SPATA16: variants seen among roughly 807,000 people sequenced by gnomAD.
SPATA16 encodes spermatogenesis-associated protein 16.
SPATA16 carries 36 observed loss-of-function variants against 63.3 expected under a neutral mutation model. The observed-to-expected ratio is 0.57, with a 90% CI of 0.44 to 0.75. The LOEUF (loss-of-function observed/expected upper bound fraction) is 0.75. Ranked by LOEUF, SPATA16 falls within the 30% of genes least tolerant of loss-of-function variation. SPATA16 has a pLI of 0.00. For missense variants in SPATA16, 646 were observed against 679.3 expected, an observed-to-expected ratio of 0.95 and a Z score of 0.54; for synonymous variants, 203 against 216.7, an observed-to-expected ratio of 0.94 and a Z score of 0.56.
At chr3:173,131,934 A>G (rs189316593) in intron 1 of SPATA16, among the ~76,000 whole-genome samples, 2 of 152,328 alleles carry the variant, frequency 1.3e-5, no homozygotes, top group African/African-American at 4.8e-5. Flanking sequence ...ATCATTAAGT[A>G]TGCAAAAATA....
intron 3 of SPATA16, among the ~76,000 whole-genome samples, chr3:173,041,220 C>T (rs1735831734): frequency 6.6e-6 from 1 of 152,134 alleles, no homozygotes; most frequent in Non-Finnish European, 1.5e-5. Flanking sequence ...TTTAAAATAG[C>T]AATGCCAGGA....
At chr3:173,024,409 T>G (rs564307879) in intron 3 of SPATA16, among the ~76,000 whole-genome samples, 3 of 151,450 alleles carry the variant, frequency 2.0e-5, no homozygotes, top group Non-Finnish European at 4.4e-5. Flanking sequence ...AGTATCATTC[T>G]ATGTGTTATT....
At chr3:172,996,654 T>G (rs1306950711) in intron 4 of SPATA16, among the ~76,000 whole-genome samples, 1 of 152,126 alleles carries the variant, frequency 6.6e-6, no homozygotes, top group Non-Finnish European at 1.5e-5. Context: ...ATTTACATCA[T>G]CACCTAAAGT....
chr3:172,925,415 CAA>C lies in SPATA16; in HGVS notation c.1157_1158del (p.Leu386ArgfsTer7). 1 of 1,613,866 alleles carries C rather than the reference CAA, an allele frequency of 6.2e-7. No individual in the cohort carries two copies. Among genetic ancestry groups the C allele is most frequent in the East Asian group, 2.2e-5 (1 of 44,854 alleles). ...SFPPQQYLLTLGFKNKDDGKF... is the reference protein window; with the variant it reads ...SFPPQQYLLTXGFKNKDDGKF... ...TTTCCATCATCTTTGTTTTTGAACC[CAA>C]GAGTCAAGAGATATTGTTGGGGAGG... On this transcript the variant is annotated frameshift_variant, in exon 7 of 11. Coordinates refer to ENST00000351008, the MANE Select transcript of SPATA16 (RefSeq NM_031955.6). LOFTEE classifies it high-confidence loss of function.
At chr3:173,092,919 C>T (rs1737257738) in intron 2 of SPATA16, among the ~76,000 whole-genome samples, 2 of 151,976 alleles carry the variant, frequency 1.3e-5, no homozygotes. Flanking sequence ...GAGTTCCTGT[C>T]TTCTTTTTCT....
At chr3:173,100,010 T>C (rs917768171) in intron 2 of SPATA16, among the ~76,000 whole-genome samples, 1 of 152,212 alleles carries the variant, frequency 6.6e-6, no homozygotes, top group African/African-American at 2.4e-5. Context: ...AATGCTTCTT[T>C]GAAGAACTGT....
intron 1 of SPATA16, among the ~76,000 whole-genome samples, chr3:173,132,089 G>C (rs752443200): frequency 1.3e-5 from 2 of 152,026 alleles, no homozygotes; most frequent in Non-Finnish European, 2.9e-5. Flanking sequence ...AGTGAGAAAT[G>C]ATAAAGAACT....
intron 10 of SPATA16, among the ~76,000 whole-genome samples, chr3:172,907,305 T>C (rs746843293): frequency 4.6e-5 from 7 of 152,218 alleles, no homozygotes; most frequent in Non-Finnish European, 8.8e-5. Flanking sequence ...CCCTTCTGAA[T>C]AGATCACTTC....
intron 8 of SPATA16, among the ~76,000 whole-genome samples, chr3:172,919,836 TCTGA>T (rs1732579520): frequency 6.6e-6 from 1 of 151,676 alleles, no homozygotes; most frequent in Non-Finnish European, 1.5e-5. Flanking sequence ...CGCCACCACA[TCTGA>T]CTATTTTTTT....
At chr3:173,001,906 G>C (rs1734837406) in intron 4 of SPATA16, among the ~76,000 whole-genome samples, 1 of 152,102 alleles carries the variant, frequency 6.6e-6, no homozygotes, top group Non-Finnish European at 1.5e-5. Context: ...AAGACCATTA[G>C]TAAATTTTGC....
intron 8 of SPATA16, 76 bp downstream of exon 8, chr3:172,924,132 C>A (rs1732674263): frequency 8.2e-7 from 1 of 1,216,100 alleles, no homozygotes; most frequent in Non-Finnish European, 1.2e-6. Flanking sequence ...GCACTATTTG[C>A]CATGTAAGCC....
intron 4 of SPATA16, among the ~76,000 whole-genome samples, chr3:173,009,787 C>CA (rs1252706114): frequency 6.6e-6 from 1 of 152,212 alleles, no homozygotes; most frequent in African/African-American, 2.4e-5. Flanking sequence ...AATGCACACA[C>CA]AAAGCAAGGC....
intron 4 of SPATA16, among the ~76,000 whole-genome samples, chr3:173,002,320 T>C (rs887437624): frequency 1.9e-4 from 29 of 152,124 alleles, no homozygotes; most frequent in Non-Finnish European, 2.9e-5. Flanking sequence ...TTTATTAGGA[T>C]ATGCACATGG....
chr3:172,931,622 T>C (rs951385266), intron 6 of SPATA16, among the ~76,000 whole-genome samples: 7 of 152,306 alleles, frequency 4.6e-5, no homozygotes, highest in Middle Eastern at 3.4e-3. Flanking sequence ...TCTGAAAACA[T>C]ACATTCCCAA....
intron 2 of SPATA16, among the ~76,000 whole-genome samples, chr3:173,116,875 T>C (rs1464527932): frequency 4.6e-5 from 7 of 152,224 alleles, no homozygotes; most frequent in Non-Finnish European, 1.0e-4. Flanking sequence ...TCAGGGTTTG[T>C]AAAAAGCATG....
intron 2 of SPATA16, among the ~76,000 whole-genome samples, chr3:173,109,526 C>A (rs1737698963): frequency 6.6e-6 from 1 of 152,074 alleles, no homozygotes; most frequent in Non-Finnish European, 1.5e-5. Context: ...ATATTTTGTT[C>A]CTTTAATCAA....
intron 5 of SPATA16, among the ~76,000 whole-genome samples, chr3:172,975,370 G>A (rs1560085049): frequency 6.6e-6 from 1 of 152,090 alleles, no homozygotes; most frequent in Non-Finnish European, 1.5e-5. Context: ...TTTGTTTAAT[G>A]AATAATTAAA....
At chr3:172,924,939 A>G (rs1411839712) in intron 7 of SPATA16, among the ~76,000 whole-genome samples, 1 of 152,236 alleles carries the variant, frequency 6.6e-6, no homozygotes, top group African/African-American at 2.4e-5. Context: ...GGCTAATTAC[A>G]TAAGAAAAGC....
At chr3:173,073,007 G>T (rs905753689) in intron 2 of SPATA16, among the ~76,000 whole-genome samples, 1 of 152,158 alleles carries the variant, frequency 6.6e-6, no homozygotes, top group African/African-American at 2.4e-5. Context: ...CTGGAGTAAA[G>T]GTGACTCTTG....
Sources: allele counts gnomAD v4.1 joint callset (sites outside exome capture counted in the v4.1 genomes callset), GRCh38; gene constraint gnomAD v4.1.1; transcripts MANE v1.5; gene names NCBI Gene and HGNC (gene_info 2026-07-23, HGNC 2026-07-21).